Variants in COL8A1 observed in about 807,000 individuals in gnomAD.
The protein encoded by COL8A1 is collagen type VIII alpha 1 chain.
Under a neutral mutation model 42.7 loss-of-function variants are expected in COL8A1, and 21 were observed. That is an observed-to-expected ratio of 0.49 (90% CI 0.35 to 0.71). The LOEUF is 0.71. Ranked by LOEUF, COL8A1 falls within the 30% of genes least tolerant of loss-of-function variation. COL8A1 has a pLI of 0.01. For missense variants in COL8A1, 788 were observed against 962.4 expected (o/e 0.82, Z 2.40); for synonymous variants, 367 against 369.1 (o/e 0.99, Z 0.06).
chr3:99,770,628 A>G (rs1327191496), intron 2 of COL8A1, among the ~76,000 whole-genome samples: 5 of 152,226 alleles, frequency 3.3e-5, no homozygotes, highest in Non-Finnish European at 7.3e-5. Flanking sequence ...AGAGGTACAC[A>G]CATATATGCA....
rs760433031 is a variant in COL8A1 at position 99,795,920 on chromosome 3, C to T, written c.2019C>T (p.Asn673=). 1 of 1,614,158 alleles carries T rather than the reference C, an allele frequency of 6.2e-7. No individual in the cohort carries two copies. The highest frequency in any genetic ancestry group is 1.1e-5 in the South Asian group (1 of 91,074). ...ACCACGTTCACTGCAAGGGGGGCAA[C>T]GTGTGGGTTGCTCTATTCAAGAACA... The part of the protein sequence containing the change: ...FAYHVHCKGG[N]VWVALFKNNE... The change falls in exon 4 of 4, where the codon AAC becomes AAT. Residue 673 remains asparagine (N), a synonymous_variant. Coordinates refer to ENST00000652472, the MANE Select transcript of COL8A1 (RefSeq NM_020351.4).
chr3:99,766,949 T>TC (rs1941475379), intron 2 of COL8A1, among the ~76,000 whole-genome samples: 1 of 107,868 alleles, frequency 9.3e-6, no homozygotes, highest in Non-Finnish European at 2.0e-5. Context: ...AACTCTGTCT[T>TC]GAAAAAAAAA....
chr3:99,668,924 T>C (rs969855384), intron 1 of COL8A1, among the ~76,000 whole-genome samples: 2 of 151,792 alleles, frequency 1.3e-5, no homozygotes, highest in Non-Finnish European at 2.9e-5. Flanking sequence ...CTTAACAGCA[T>C]AAAACAATAC....
intron 1 of COL8A1, among the ~76,000 whole-genome samples, chr3:99,726,908 T>C (rs1940349162): frequency 6.6e-6 from 1 of 152,162 alleles, no homozygotes; most frequent in African/African-American, 2.4e-5. Context: ...CTTTTTTGGT[T>C]CCACATGAAT....
Position 99,794,098 on chromosome 3 carries a change from T to C in COL8A1, c.329-132T>C, listed in dbSNP as rs1021688208. 1 of 587,688 alleles carries C rather than the reference T, an allele frequency of 1.7e-6. No homozygotes were observed. The highest frequency in any genetic ancestry group is 2.9e-6 in the Non-Finnish European group (1 of 341,322). The allele number at this position is 587,688 out of a possible 1,614,324, so 36.4% of individuals were successfully genotyped here. A position where few individuals can be genotyped will look rare whatever the true frequency, so the allele number is the denominator to read the frequency against. The stretch of plus-strand genomic sequence containing the variant: ...TGAGCATATTATTCCTAGTCTTTTC[T>C]CTTGATAAGTATTAGGCAAATGTGT... On this transcript the variant is annotated intron_variant, in intron 3 of 3. Transcript: ENST00000652472. This position sits in a 1 kb window ranked among gnomAD's most constrained non-coding sequence, Gnocchi z 4.3.
At chr3:99,718,389 A>C (rs973060532) in intron 1 of COL8A1, among the ~76,000 whole-genome samples, 1 of 151,932 alleles carries the variant, frequency 6.6e-6, no homozygotes, top group African/African-American at 2.4e-5. Flanking sequence ...GAGAACAAAC[A>C]TTTTCTTGTT....
At chr3:99,708,890 A>T in intron 1 of COL8A1, among the ~76,000 whole-genome samples, 1 of 151,962 alleles carries the variant, frequency 6.6e-6, no homozygotes, top group East Asian at 1.9e-4. Flanking sequence ...TGGTATTAGG[A>T]AGTATTTCCT....
chr3:99,734,518 T>G (rs1230084563), intron 1 of COL8A1, among the ~76,000 whole-genome samples: 2 of 151,948 alleles, frequency 1.3e-5, no homozygotes, highest in African/African-American at 4.8e-5. Context: ...TATCTCTGTT[T>G]TGGTACCAGT....
rs376231356 is a variant in COL8A1, at chr3:99,794,677, T to C, written c.776T>C (p.Met259Thr). ...GAPGVKGPPG[M>T]HGPPGPVGLP... ...CCAGGTGTAAAGGGGCCTCCAGGGA[T>C]GCACGGCCCTCCCGGCCCTGTTGGA... is the stretch of plus-strand genomic sequence containing the variant. Residue 259 changes from methionine (M) to threonine (T), a missense_variant, in exon 4 of 4, where the codon ATG becomes ACG. This residue lies in a region of COL8A1 where 421 missense variants were observed against 553.1 expected (regional missense o/e 0.76). Coordinates refer to ENST00000652472, the MANE Select transcript of COL8A1 (RefSeq NM_020351.4). This position sits in a 1 kb window ranked among gnomAD's most constrained non-coding sequence, Gnocchi z 4.3. 3 of 1,613,186 alleles carry C rather than the reference T, an allele frequency of 1.9e-6. No individual in the cohort carries two copies. Among genetic ancestry groups the C allele is most frequent in the Non-Finnish European group, 2.5e-6 (3 of 1,179,712 alleles).
intron 1 of COL8A1, among the ~76,000 whole-genome samples, chr3:99,669,380 G>A (rs1200585254): frequency 1.3e-5 from 2 of 151,668 alleles, no homozygotes; most frequent in Admixed American, 6.6e-5. Context: ...GAAAAATGAA[G>A]GTCATTCCAG....
At chr3:99,784,826 A>G (rs1941861257) in intron 2 of COL8A1, among the ~76,000 whole-genome samples, 1 of 152,202 alleles carries the variant, frequency 6.6e-6, no homozygotes, top group African/African-American at 2.4e-5. Flanking sequence ...ATAAAAAACA[A>G]TGTTGAGATA....
At chr3:99,712,568 C>T (rs996772841) in intron 1 of COL8A1, among the ~76,000 whole-genome samples, 5 of 152,130 alleles carry the variant, frequency 3.3e-5, no homozygotes, top group African/African-American at 1.2e-4. Context: ...TGAAACACAA[C>T]ATTTCCTTTT....
intron 1 of COL8A1, among the ~76,000 whole-genome samples, chr3:99,656,024 T>C (rs557511477): frequency 4.6e-5 from 7 of 152,372 alleles, no homozygotes; most frequent in Middle Eastern, 3.4e-3. Flanking sequence ...TGAGGACATC[T>C]TTAAAAGAAT....
intron 1 of COL8A1, among the ~76,000 whole-genome samples, chr3:99,667,520 G>A (rs641461): frequency 0.28 from 42,236 of 151,866 alleles, 7,065 homozygotes; most frequent in East Asian, 0.48. Flanking sequence ...ACAATTAGGA[G>A]GAAGAATTTT....
intron 2 of COL8A1, among the ~76,000 whole-genome samples, chr3:99,758,157 G>T (rs757775431): frequency 6.6e-6 from 1 of 152,122 alleles, no homozygotes; most frequent in Non-Finnish European, 1.5e-5. Context: ...GGAGCCCAAA[G>T]GAGGAATTTC....
At chr3:99,683,043 C>A (rs963970351) in intron 1 of COL8A1, among the ~76,000 whole-genome samples, 9 of 152,174 alleles carry the variant, frequency 5.9e-5, no homozygotes, top group Non-Finnish European at 1.3e-4. Flanking sequence ...CCAGTAGGGT[C>A]ATTGTTTGCT....
At position 99,765,491 on chromosome 3, in the gene COL8A1, A is replaced by G. The variant is rs148197750; in HGVS notation, c.-4+20470A>G. Among the ~76,000 whole-genome samples the G allele has an allele frequency of 4.4e-3, 669 of 152,326 alleles. 5 individuals are homozygous for G. The highest frequency in any genetic ancestry group is 0.015 in the African/African-American group (632 of 41,578). On this transcript the variant is annotated intron_variant, in intron 2 of 3. Coordinates refer to ENST00000652472, the MANE Select transcript of COL8A1 (RefSeq NM_020351.4). ...TGCTGTATCCAAGATGTTTCAAAGT[A>G]TATGCACCAGTCTAATCCTTTTTGG...
chr3:99,746,970 T>A (rs1451073247), intron 2 of COL8A1, among the ~76,000 whole-genome samples: 1 of 152,184 alleles, frequency 6.6e-6, no homozygotes, highest in Non-Finnish European at 1.5e-5. Flanking sequence ...TCTTAATGTT[T>A]TATGTAGTTT....
At position 99,795,297 on chromosome 3, in the gene COL8A1, C is replaced by A. The variant is rs758483971; in HGVS notation, c.1396C>A (p.Gln466Lys). 1.9e-6 allele frequency: 3 copies of A among 1,609,608 alleles called. No homozygotes were observed. In the African/African-American group the frequency reaches 4.0e-5, roughly 22 times the overall value. ...CATAGGGCCCAAGGGGGAAGCTGGG[C>A]AAAAAGGTGTACCAGGACTCCCTGG... is the stretch of plus-strand genomic sequence containing the variant. ...GPIGPKGEAG[Q>K]KGVPGLPGVP... is the part of the protein sequence containing the mutation. The change falls in exon 4 of 4, where the codon CAA (glutamine) becomes AAA (lysine). Residue 466 changes from glutamine (Q) to lysine (K), a missense_variant. Physicochemically the swap from Gln to Lys is moderately conservative, Grantham distance 53. This residue lies in a region of COL8A1 where 154 missense variants were observed against 182.3 expected (regional missense o/e 0.84). Coordinates refer to ENST00000652472, the MANE Select transcript of COL8A1 (RefSeq NM_020351.4).
Sources: allele counts gnomAD v4.1 joint callset (sites outside exome capture counted in the v4.1 genomes callset), GRCh38; gene constraint gnomAD v4.1.1; regional missense constraint gnomAD v4.1.1; non-coding constraint Gnocchi (gnomAD v3.1); transcripts MANE v1.5; gene names NCBI Gene and HGNC (gene_info 2026-07-23, HGNC 2026-07-21).